The following ZNF81 variants were observed in gnomAD, a reference collection of about 807,000 sequenced individuals.
ZNF81 encodes zinc finger protein 81 (HFZ20).
In ZNF81, 5 loss-of-function variants were observed where a neutral mutation model predicts 32.3. The observed-to-expected ratio is 0.15, with a 90% CI of 0.08 to 0.33. The LOEUF (loss-of-function observed/expected upper bound fraction) is 0.33, where lower values mean the gene tolerates loss of function less well. ZNF81 is among the 10% of genes least tolerant of loss of function. The pLI is 1.00. For missense variants in ZNF81, 379 were observed against 479.8 expected (o/e 0.79, Z 1.96); for synonymous variants, 163 against 166.8 (o/e 0.98, Z 0.17).
chrX:47,850,706 A>G (rs1165267443), intron 2 of ZNF81, among the ~76,000 whole-genome samples: 1 of 107,522 alleles, frequency 9.3e-6, no homozygotes, highest in African/African-American at 3.4e-5. Context: ...GCTTCAAATG[A>G]TTAGTTAAGG....
chrX:47,863,701 A>G (rs1443141614), intron 2 of ZNF81, among the ~76,000 whole-genome samples: 1 of 112,239 alleles, frequency 8.9e-6, no homozygotes. Flanking sequence ...GCTATGGTGC[A>G]GACACCTCCT....
At chrX:47,841,306 A>G in intron 1 of ZNF81, 2 of 631,350 alleles carry the variant, frequency 3.2e-6, no homozygotes, top group Non-Finnish European at 5.3e-6. Flanking sequence ...AGGTTCCACT[A>G]TATGCAGCAT....
intron 4 of ZNF81, among the ~76,000 whole-genome samples, chrX:47,898,273 G>A (rs1556887484): frequency 9.0e-6 from 1 of 110,912 alleles, no homozygotes. Context: ...TTGTGGGTAT[G>A]GGCTGTGTAT....
chrX:47,846,627 T>C (rs1377487388), intron 2 of ZNF81, among the ~76,000 whole-genome samples: 4 of 111,860 alleles, frequency 3.6e-5, no homozygotes, highest in Non-Finnish European at 7.5e-5. Context: ...AATTAGCTCT[T>C]AGTTTCATTT....
chrX:47,841,126 G>A, intron 1 of ZNF81: 2 of 847,470 alleles, frequency 2.4e-6, no homozygotes, highest in Non-Finnish European at 3.5e-6. Context: ...CCCTGGGAAG[G>A]CAATTTCATG....
At chrX:47,844,778 C>A (rs1478441053) in intron 1 of ZNF81, among the ~76,000 whole-genome samples, 2 of 112,115 alleles carry the variant, frequency 1.8e-5, no homozygotes, top group Non-Finnish European at 3.8e-5. Context: ...AATGAGTGCA[C>A]CATTTTACAA....
intron 2 of ZNF81, among the ~76,000 whole-genome samples, chrX:47,874,947 A>C (rs193181569): frequency 9.0e-6 from 1 of 111,609 alleles, no homozygotes; most frequent in East Asian, 2.8e-4. Context: ...AGGGCACACA[A>C]ACCTCACACA....
intron 2 of ZNF81, among the ~76,000 whole-genome samples, chrX:47,885,384 C>T (rs2058637468): frequency 8.9e-6 from 1 of 111,999 alleles, no homozygotes; most frequent in Non-Finnish European, 1.9e-5. Context: ...TTTAAAAATA[C>T]CTTTTCTGCC....
intron 2 of ZNF81, among the ~76,000 whole-genome samples, chrX:47,886,521 T>A (rs1482557284): frequency 1.8e-5 from 2 of 110,895 alleles, no homozygotes; most frequent in Admixed American, 9.6e-5. Context: ...GATTTTCCAA[T>A]GGTAGTGATG....
intron 3 of ZNF81, among the ~76,000 whole-genome samples, chrX:47,892,726 A>G (rs1401554785): frequency 8.9e-6 from 1 of 112,833 alleles, no homozygotes; most frequent in Non-Finnish European, 1.9e-5. Flanking sequence ...CTTGATATCC[A>G]TATCAATGTA....
chrX:47,874,234 G>GGTTC (rs1302313647), intron 2 of ZNF81, among the ~76,000 whole-genome samples: 2 of 112,117 alleles, frequency 1.8e-5, no homozygotes, highest in Admixed American at 9.4e-5. Context: ...AGCAGAAAGG[G>GGTTC]GTTCAAGTAT....
intron 4 of ZNF81, among the ~76,000 whole-genome samples, chrX:47,902,094 G>A (rs192199753): frequency 9.0e-6 from 1 of 110,955 alleles, no homozygotes; most frequent in Non-Finnish European, 1.9e-5. Flanking sequence ...TTAATAATTT[G>A]TTCCTTCAAG....
chrX:47,900,740 C>T (rs1258616618), intron 4 of ZNF81, among the ~76,000 whole-genome samples: 1 of 111,792 alleles, frequency 8.9e-6, no homozygotes, highest in African/African-American at 3.3e-5. Context: ...AATGCTGTCT[C>T]ACCTAAGGCG....
At chrX:47,880,516 G>A (rs890709692) in intron 2 of ZNF81, among the ~76,000 whole-genome samples, 6 of 112,267 alleles carry the variant, frequency 5.3e-5, no homozygotes, top group South Asian at 3.7e-4. Flanking sequence ...ACCTGGCCTC[G>A]TGATCATTGC....
chrX:47,870,374 A>G (rs1262467635), intron 2 of ZNF81, among the ~76,000 whole-genome samples: 1 of 112,432 alleles, frequency 8.9e-6, no homozygotes, highest in Non-Finnish European at 1.9e-5. Context: ...ATTTTAATTC[A>G]GAAAGTCAGT....
At chrX:47,889,966 A>G (rs5953119) in intron 3 of ZNF81, among the ~76,000 whole-genome samples, 48,908 of 110,239 alleles carry the variant, frequency 0.44, 8,284 homozygotes, top group Middle Eastern at 0.62. Context: ...AACACTGGGG[A>G]TTACAATTTG....
Position 47,921,220 on chromosome X carries a change from A to C in ZNF81, c.*4588A>C, listed in dbSNP as rs782305898. Reference sequence around the variant, plus strand: ...TCAACCCCTGCAACTGAGCTTGGCTATTTTGTTGGCCAATGGGACATTAAC... The same window carrying C: ...TCAACCCCTGCAACTGAGCTTGGCTCTTTTGTTGGCCAATGGGACATTAAC... On this transcript the variant is annotated 3_prime_UTR_variant, in exon 5 of 5. Transcript: ENST00000338637. The C allele has an allele frequency of 1.2e-3, 129 of 110,537 alleles. No homozygotes were observed. Among genetic ancestry groups the C allele is most frequent in the African/African-American group, 4.2e-3 (127 of 30,496 alleles). The allele number at this position is 110,537 out of a possible 1,213,427, so 9.1% of individuals were successfully genotyped here. A position where few individuals can be genotyped will look rare whatever the true frequency, so the allele number is the denominator to read the frequency against.
intron 2 of ZNF81, among the ~76,000 whole-genome samples, chrX:47,864,539 C>T (rs2148015328): frequency 8.9e-6 from 1 of 111,844 alleles, no homozygotes; most frequent in East Asian, 2.8e-4. Context: ...TTTCTTATCA[C>T]AATGGGTAAT....
chrX:47,854,757 G>A (rs1220110919), intron 2 of ZNF81, among the ~76,000 whole-genome samples: 2 of 111,612 alleles, frequency 1.8e-5, no homozygotes, highest in Non-Finnish European at 3.8e-5. Context: ...CTGAGACAAC[G>A]ACAATAGTAA....
Sources: gnomAD v4.1 joint callset for allele counts (sites outside exome capture counted in the v4.1 genomes callset) on GRCh38, gnomAD v4.1.1 for gene constraint, MANE v1.5 for transcripts, NCBI Gene and HGNC (gene_info 2026-07-23, HGNC 2026-07-21) for gene names.